The following ARB2A variants were observed in gnomAD, a reference collection of about 807,000 sequenced individuals.
ARB2A encodes ARB2 cotranscriptional regulator A, also known as cotranscriptional regulator ARB2A.
chr5:93,853,050 T>C, the ARB2A span, among the ~76,000 whole-genome samples: 2 of 152,204 alleles, frequency 1.3e-5, no homozygotes, highest in Non-Finnish European at 2.9e-5. Context: ...CCTTGGGCAG[T>C]ATGGCCATTT....
the ARB2A span, among the ~76,000 whole-genome samples, chr5:94,048,227 G>A: frequency 2.0e-5 from 3 of 151,846 alleles, no homozygotes; most frequent in East Asian, 5.8e-4. Context: ...GCTAATTTTT[G>A]TATTTTTAGT....
the ARB2A span, among the ~76,000 whole-genome samples, chr5:93,647,296 A>AATT: frequency 1.3e-5 from 2 of 151,512 alleles, no homozygotes; most frequent in Non-Finnish European, 1.5e-5. Context: ...GTGCAATCTC[A>AATT]GCTCATTGCA....
the ARB2A span, among the ~76,000 whole-genome samples, chr5:94,064,923 A>G: frequency 1.5e-4 from 23 of 152,208 alleles, no homozygotes; most frequent in Non-Finnish European, 3.2e-4. Context: ...GAGGAAACAC[A>G]CAAATTCGAA....
chr5:93,930,931 T>C, the ARB2A span, among the ~76,000 whole-genome samples: 1 of 152,166 alleles, frequency 6.6e-6, no homozygotes, highest in Admixed American at 6.5e-5. Flanking sequence ...CAACCTGTCA[T>C]CTAGGTTTTA....
At chr5:94,057,809 T>C in the ARB2A span, among the ~76,000 whole-genome samples, 1 of 152,250 alleles carries the variant, frequency 6.6e-6, no homozygotes, top group Non-Finnish European at 1.5e-5. Context: ...GCTTACTGTG[T>C]GGAGACAGTT....
chr5:93,883,037 A>G, the ARB2A span, among the ~76,000 whole-genome samples: 4 of 151,582 alleles, frequency 2.6e-5, no homozygotes, highest in African/African-American at 9.7e-5. Flanking sequence ...TCTTATTTTA[A>G]AATATGCTGC....
the ARB2A span, among the ~76,000 whole-genome samples, chr5:94,032,414 A>C: frequency 1.3e-5 from 2 of 152,124 alleles, no homozygotes; most frequent in Non-Finnish European, 2.9e-5. Flanking sequence ...AAACAAGCAG[A>C]TCTTGTGACA....
the ARB2A span, among the ~76,000 whole-genome samples, chr5:94,025,469 C>T: frequency 1.3e-5 from 2 of 152,240 alleles, no homozygotes; most frequent in Admixed American, 1.3e-4. Flanking sequence ...CTCCTAAAAG[C>T]TCTACCTCAA....
At chr5:93,776,130 C>T in the ARB2A span, 6 of 1,535,406 alleles carry the variant, frequency 3.9e-6, no homozygotes, top group Admixed American at 7.9e-5. Flanking sequence ...AAAACAACAG[C>T]AATCATATAT....
At chr5:94,072,129 C>A in the ARB2A span, among the ~76,000 whole-genome samples, 16 of 152,048 alleles carry the variant, frequency 1.1e-4, no homozygotes, top group African/African-American at 3.9e-4. Flanking sequence ...AAATTACATA[C>A]CTTATGATTC....
At chr5:93,851,570 A>G in the ARB2A span, among the ~76,000 whole-genome samples, 4 of 152,188 alleles carry the variant, frequency 2.6e-5, no homozygotes, top group Admixed American at 6.5e-5. Context: ...GTCATTTAGC[A>G]TTAGGTATAT....
the ARB2A span, among the ~76,000 whole-genome samples, chr5:93,621,668 A>T: frequency 6.6e-6 from 1 of 152,054 alleles, no homozygotes; most frequent in African/African-American, 2.4e-5. Context: ...GGTGGTGTGG[A>T]GGGGAAGGGG....
At chr5:94,024,496 G>A in the ARB2A span, among the ~76,000 whole-genome samples, 2 of 151,918 alleles carry the variant, frequency 1.3e-5, no homozygotes, top group African/African-American at 4.8e-5. Context: ...TCATCCTGCT[G>A]GTTCTGTTAC....
the ARB2A span, among the ~76,000 whole-genome samples, chr5:94,075,958 C>G: frequency 6.6e-6 from 1 of 152,092 alleles, no homozygotes; most frequent in African/African-American, 2.4e-5. Context: ...GCCTCATTTT[C>G]CACATCTGTA....
At chr5:93,932,097 T>C in the ARB2A span, among the ~76,000 whole-genome samples, 3 of 152,272 alleles carry the variant, frequency 2.0e-5, no homozygotes, top group African/African-American at 4.8e-5. Flanking sequence ...CATTTTACCA[T>C]TGGTGGAATT....
At chr5:94,092,479 C>G in the ARB2A span, among the ~76,000 whole-genome samples, 1 of 152,186 alleles carries the variant, frequency 6.6e-6, no homozygotes, top group Non-Finnish European at 1.5e-5. Context: ...AATGTCACTA[C>G]TTGTAATTAT....
At chr5:93,967,910 T>C in the ARB2A span, among the ~76,000 whole-genome samples, 1 of 151,950 alleles carries the variant, frequency 6.6e-6, no homozygotes, top group Non-Finnish European at 1.5e-5. Flanking sequence ...AGAGTTCCTA[T>C]AAAATACCAG....
At chr5:93,842,104 C>A in the ARB2A span, among the ~76,000 whole-genome samples, 1 of 151,974 alleles carries the variant, frequency 6.6e-6, no homozygotes, top group African/African-American at 2.4e-5. Context: ...CTAGAAAAGC[C>A]AAAACTATAA....
At chr5:94,063,242 C>T in the ARB2A span, among the ~76,000 whole-genome samples, 1 of 152,072 alleles carries the variant, frequency 6.6e-6, no homozygotes, top group African/African-American at 2.4e-5. Flanking sequence ...TGGGGATTGC[C>T]AAGCACCAGT....
Sources: gnomAD v4.1 joint callset for allele counts (sites outside exome capture counted in the v4.1 genomes callset) on GRCh38, gnomAD v4.1.1 for gene constraint, MANE v1.5 for transcripts, NCBI Gene and HGNC (gene_info 2026-07-23, HGNC 2026-07-21) for gene names.